HIVEP3: variants seen among roughly 807,000 people sequenced by gnomAD.
HIVEP3 encodes the protein HIVEP zinc finger 3.
Under a neutral mutation model 152.8 loss-of-function variants are expected in HIVEP3, and 49 were observed. That is an observed-to-expected ratio of 0.32 (90% CI 0.26 to 0.41). The LOEUF (loss-of-function observed/expected upper bound fraction) is 0.41, where lower values mean the gene tolerates loss of function less well. Ranked by LOEUF, HIVEP3 falls within the 10% of genes least tolerant of loss-of-function variation. HIVEP3 has a pLI of 1.00. For synonymous variants in HIVEP3, 1,269 were observed against 1,289.0 expected (o/e 0.98, Z 0.33); for missense variants, 2,790 against 3,103.3 (o/e 0.90, Z 2.40).
chr1:41,563,720 A>G (rs1008873484), intron 5 of HIVEP3, among the ~76,000 whole-genome samples: 4 of 152,184 alleles, frequency 2.6e-5, no homozygotes, highest in Non-Finnish European at 2.9e-5. Flanking sequence ...TAAACACACA[A>G]TAAAGGGGCA....
chr1:41,778,857 A>T (rs1648868876), intron 1 of HIVEP3, among the ~76,000 whole-genome samples: 1 of 152,208 alleles, frequency 6.6e-6, no homozygotes, highest in Non-Finnish European at 1.5e-5. Flanking sequence ...GGTGGTACGG[A>T]AGATCTCTGG....
intron 1 of HIVEP3, among the ~76,000 whole-genome samples, chr1:41,735,728 A>T (rs2124195767): frequency 6.6e-6 from 1 of 152,270 alleles, no homozygotes; most frequent in Middle Eastern, 3.4e-3. Flanking sequence ...ACTCCATGAC[A>T]GGCGGATGGA....
intron 5 of HIVEP3, among the ~76,000 whole-genome samples, chr1:41,530,882 G>A (rs1392099380): frequency 6.6e-6 from 1 of 152,212 alleles, no homozygotes; most frequent in Non-Finnish European, 1.5e-5. Context: ...AGAGGACTCT[G>A]AGCCTTCAAG....
At chr1:42,026,419 T>C (rs1434351929) in intron 1 of HIVEP3, among the ~76,000 whole-genome samples, 1 of 152,228 alleles carries the variant, frequency 6.6e-6, no homozygotes, top group Non-Finnish European at 1.5e-5. Context: ...ATCTCTTTAG[T>C]GCTTTTAAGA....
chr1:41,632,516 G>A (rs144011043), intron 2 of HIVEP3, among the ~76,000 whole-genome samples: 3,615 of 152,282 alleles, frequency 0.024, 162 homozygotes, highest in African/African-American at 0.083. Flanking sequence ...TTACAGGCAT[G>A]AGCCACCACG....
intron 3 of HIVEP3, among the ~76,000 whole-genome samples, chr1:41,603,575 G>A (rs745899083): frequency 6.6e-6 from 1 of 151,858 alleles, no homozygotes; most frequent in Non-Finnish European, 1.5e-5. Flanking sequence ...GGCCAAGCTG[G>A]TCTTGAACTC....
chr1:41,563,822 G>A (rs960718853), intron 5 of HIVEP3, among the ~76,000 whole-genome samples: 1 of 152,004 alleles, frequency 6.6e-6, no homozygotes, highest in Admixed American at 6.6e-5. Context: ...AACAACTAAC[G>A]TTAATAGCCT....
At chr1:41,832,657 A>G (rs1287092811) in intron 1 of HIVEP3, among the ~76,000 whole-genome samples, 2 of 152,268 alleles carry the variant, frequency 1.3e-5, no homozygotes, top group Non-Finnish European at 2.9e-5. Context: ...TTGAGCCAGC[A>G]CAAAGCAGTG....
At chr1:41,829,675 C>A (rs1321546272) in intron 1 of HIVEP3, among the ~76,000 whole-genome samples, 1 of 151,676 alleles carries the variant, frequency 6.6e-6, no homozygotes, top group African/African-American at 2.4e-5. Flanking sequence ...CACATACAAA[C>A]TGATAAAAAC....
Position 41,670,332 on chromosome 1 carries a change from C to T in HIVEP3, c.-721+30584G>A, listed in dbSNP as rs182320102. ...CTAGAAGCAGTTCCAGCAGAAGGAC[C>T]CTATCTCCAGGGCATTGGCTTTCTC... On this transcript the variant is annotated intron_variant, in intron 2 of 8. Coordinates refer to ENST00000372583, the MANE Select transcript of HIVEP3 (RefSeq NM_024503.5). Among the ~76,000 whole-genome samples the T allele has an allele frequency of 2.5e-3, 386 of 152,202 alleles. 2 individuals are homozygous for T. Among genetic ancestry groups the T allele is most frequent in the African/African-American group, 9.1e-3 (377 of 41,522 alleles).
chr1:41,963,634 C>T (rs1174096227), intron 1 of HIVEP3, among the ~76,000 whole-genome samples: 1 of 151,988 alleles, frequency 6.6e-6, no homozygotes, highest in Admixed American at 6.5e-5. Context: ...TGTAACAAAC[C>T]TGCACGTTGT....
At chr1:41,914,439 A>G (rs894447819) in intron 1 of HIVEP3, among the ~76,000 whole-genome samples, 8 of 152,250 alleles carry the variant, frequency 5.3e-5, no homozygotes, top group African/African-American at 1.9e-4. Flanking sequence ...ATGTATGTAC[A>G]TCTAGAAACT....
chr1:41,663,029 G>A (rs1222127913), intron 2 of HIVEP3, among the ~76,000 whole-genome samples: 1 of 152,232 alleles, frequency 6.6e-6, no homozygotes. Flanking sequence ...GCTTCCCAAT[G>A]GCTTGACTTT....
chr1:41,811,729 G>T (rs1478681257), intron 1 of HIVEP3, among the ~76,000 whole-genome samples: 1 of 151,908 alleles, frequency 6.6e-6, no homozygotes, highest in Non-Finnish European at 1.5e-5. Context: ...AGGAGAGGGT[G>T]AGAAATGGGA....
chr1:41,551,288 T>C (rs1162605226), intron 5 of HIVEP3, among the ~76,000 whole-genome samples: 2 of 152,170 alleles, frequency 1.3e-5, no homozygotes, highest in African/African-American at 4.8e-5. Flanking sequence ...CAGTATTTTA[T>C]TGAGGATTTT....
intron 3 of HIVEP3, among the ~76,000 whole-genome samples, chr1:41,606,375 T>G (rs1644822516): frequency 6.6e-6 from 1 of 152,046 alleles, no homozygotes; most frequent in African/African-American, 2.4e-5. Flanking sequence ...CAGATTTTTG[T>G]TATATGTTAT....
At chr1:41,889,053 A>C (rs1644403886) in intron 1 of HIVEP3, among the ~76,000 whole-genome samples, 1 of 143,468 alleles carries the variant, frequency 7.0e-6, no homozygotes, top group Non-Finnish European at 1.5e-5. Flanking sequence ...CACACACACC[A>C]CACAACACAT....
chr1:41,512,190 T>C (rs560438881), intron 8 of HIVEP3, among the ~76,000 whole-genome samples: 1 of 152,246 alleles, frequency 6.6e-6, no homozygotes. Flanking sequence ...AATCTCGTGT[T>C]GAATTGTAAA....
At chr1:41,861,674 A>C (rs1023391912) in intron 1 of HIVEP3, among the ~76,000 whole-genome samples, 1 of 152,210 alleles carries the variant, frequency 6.6e-6, no homozygotes, top group Non-Finnish European at 1.5e-5. Context: ...CAAGGGAGGC[A>C]GAGATGAGAG....
Sources: gnomAD v4.1 joint callset for allele counts (sites outside exome capture counted in the v4.1 genomes callset) on GRCh38, gnomAD v4.1.1 for gene constraint, MANE v1.5 for transcripts, NCBI Gene and HGNC (gene_info 2026-07-23, HGNC 2026-07-21) for gene names.